The following EXOC2 variants were observed in gnomAD, a reference collection of about 807,000 sequenced individuals.
The protein encoded by EXOC2 is SEC5-like 1.
Under a neutral mutation model 131.8 loss-of-function variants are expected in EXOC2, and 70 were observed. The observed-to-expected ratio is 0.53, with a 90% CI of 0.44 to 0.65. EXOC2 has a LOEUF of 0.65. EXOC2 is among the 30% of genes least tolerant of loss of function. The pLI is 0.00. For synonymous variants in EXOC2, 411 were observed against 398.4 expected, an observed-to-expected ratio of 1.03 and a Z score of -0.38; for missense variants, 923 against 1,108.6, an observed-to-expected ratio of 0.83 and a Z score of 2.38.
chr6:637,951 A>G, intron 1 of EXOC2, 90 bp from the exon 2 acceptor site: 1 of 832,820 alleles, frequency 1.2e-6, no homozygotes, highest in Non-Finnish European at 1.9e-6. Context: ...GTACCAAAAT[A>G]TAAAAAGTAT....
intron 22 of EXOC2, among the ~76,000 whole-genome samples, chr6:547,920 C>CT (rs1398676547): frequency 6.6e-6 from 1 of 152,228 alleles, no homozygotes; most frequent in African/African-American, 2.4e-5. Context: ...ACAGTTCCTA[C>CT]TTAGTACTGC....
intron 13 of EXOC2, among the ~76,000 whole-genome samples, chr6:571,917 T>C (rs1007369241): frequency 7.9e-5 from 12 of 152,184 alleles, no homozygotes; most frequent in African/African-American, 2.9e-4. Context: ...GTGCCACACA[T>C]AACAGAGTCA....
chr6:673,000 C>T (rs1198993487), intron 1 of EXOC2, among the ~76,000 whole-genome samples: 1 of 152,066 alleles, frequency 6.6e-6, no homozygotes, highest in Non-Finnish European at 1.5e-5. Flanking sequence ...TGGCTCAGCC[C>T]TGTAATCCCA....
In EXOC2 at chr6:490,236, C is replaced by T. The variant is rs192760615; in HGVS notation, c.2621+889G>A. On this transcript the variant is annotated intron_variant, in intron 26 of 27. Transcript: ENST00000230449. The stretch of plus-strand genomic sequence containing the variant: ...TTGCCTAGAATATTTTAAACTTCCT[C>T]TATAGATGAGTACCTTATACTCTAA... Among the ~76,000 whole-genome samples the T allele has an allele frequency of 2.0e-5, 3 of 152,314 alleles. No homozygotes were observed. The East Asian group carries it at 5.8e-4, about 29-fold the overall frequency.
chr6:503,071 A>T (rs967203897), intron 23 of EXOC2, among the ~76,000 whole-genome samples: 1 of 152,206 alleles, frequency 6.6e-6, no homozygotes, highest in African/African-American at 2.4e-5. Context: ...TGCTGGTATT[A>T]TAATTTTTGG....
At chr6:528,212 G>T (rs1014888178) in intron 23 of EXOC2, among the ~76,000 whole-genome samples, 1 of 151,834 alleles carries the variant, frequency 6.6e-6, no homozygotes, top group Non-Finnish European at 1.5e-5. Context: ...TAATCAACTG[G>T]ATTTTTTTTT....
At chr6:562,723 G>T in intron 17 of EXOC2, 61 bp downstream of exon 17, 1 of 1,197,896 alleles carries the variant, frequency 8.3e-7, no homozygotes, top group Non-Finnish European at 1.2e-6. Context: ...CTATTAATAT[G>T]ATAAACTATT....
At chr6:631,403 T>C (rs1052609522) in intron 3 of EXOC2, among the ~76,000 whole-genome samples, 11 of 152,112 alleles carry the variant, frequency 7.2e-5, no homozygotes, top group Non-Finnish European at 1.5e-4. Flanking sequence ...CTGGGCATGG[T>C]GGCACGCACC....
chr6:513,281 G>A (rs1389159227), intron 23 of EXOC2, among the ~76,000 whole-genome samples: 2 of 152,228 alleles, frequency 1.3e-5, no homozygotes, highest in Non-Finnish European at 2.9e-5. Context: ...CGTGCAGTGC[G>A]GCTGCACACG....
chr6:552,800 A>G (rs185685837), intron 21 of EXOC2, among the ~76,000 whole-genome samples: 3 of 152,296 alleles, frequency 2.0e-5, no homozygotes, highest in Admixed American at 6.5e-5. Flanking sequence ...TTAGGTATTC[A>G]TACTTACATA....
intron 7 of EXOC2, among the ~76,000 whole-genome samples, chr6:609,410 A>T (rs1000084503): frequency 1.3e-5 from 2 of 152,210 alleles, no homozygotes; most frequent in South Asian, 2.1e-4. Flanking sequence ...GAAAAGATTT[A>T]TTTTAAATGA....
intron 11 of EXOC2, among the ~76,000 whole-genome samples, chr6:585,166 A>G (rs1759134826): frequency 6.6e-6 from 1 of 152,234 alleles, no homozygotes; most frequent in Non-Finnish European, 1.5e-5. Flanking sequence ...TTCAGGCTGG[A>G]CAAACACCAT....
Position 486,428 on chromosome 6 carries a change from A to T in EXOC2, c.*243T>A, listed in dbSNP as rs1763051508. 1 of 398,510 alleles carries T rather than the reference A, an allele frequency of 2.5e-6. No individual in the cohort carries two copies. Among genetic ancestry groups the T allele is most frequent in the Non-Finnish European group, 4.5e-6 (1 of 223,974 alleles). 24.7% of individuals were successfully genotyped at this position (398,510 alleles called of 1,614,324 possible). On this transcript the variant is annotated 3_prime_UTR_variant, in exon 28 of 28. Coordinates refer to ENST00000230449, the MANE Select transcript of EXOC2 (RefSeq NM_018303.6). ...TCTGCTGAGATGCAAAATATATTTTAAAATGTATTTTAAAGTCATACAGGA... is the reference window on the plus strand; with the variant it reads ...TCTGCTGAGATGCAAAATATATTTTTAAATGTATTTTAAAGTCATACAGGA...
chr6:579,630 G>A lies in EXOC2; in HGVS notation c.1193-2748C>T, dbSNP rs529855463. 8.6e-4 allele frequency among the ~76,000 whole-genome samples: 131 copies of A among 152,172 alleles called. 2 individuals carry two copies. The highest frequency in any genetic ancestry group is 2.9e-3 in the South Asian group (14 of 4,822). On this transcript the variant is annotated intron_variant, in intron 11 of 27. Transcript: ENST00000230449. ...AAATGTATTTCTCTCCCTAACACTC[G>A]TACTTTTCTTACTGTCAAAAAATAA...
chr6:505,262 C>T (rs997237299), intron 23 of EXOC2, among the ~76,000 whole-genome samples: 9 of 152,196 alleles, frequency 5.9e-5, no homozygotes, highest in African/African-American at 1.7e-4. Context: ...TTAGAATTTC[C>T]GTTCAACTCT....
intron 1 of EXOC2, among the ~76,000 whole-genome samples, chr6:650,831 A>G (rs919423267): frequency 6.6e-6 from 1 of 152,254 alleles, no homozygotes; most frequent in Admixed American, 6.5e-5. Flanking sequence ...CTAGAGACAG[A>G]CAACTGGAGG....
chr6:537,453 C>T (rs1038203601), intron 22 of EXOC2, among the ~76,000 whole-genome samples: 3 of 150,116 alleles, frequency 2.0e-5, no homozygotes, highest in Non-Finnish European at 4.4e-5. Flanking sequence ...AGCGTACACT[C>T]GAGTTGATGG....
chr6:489,543 C>A (rs1364657438), intron 26 of EXOC2, among the ~76,000 whole-genome samples: 1 of 152,120 alleles, frequency 6.6e-6, no homozygotes, highest in Admixed American at 6.5e-5. Flanking sequence ...TATATAGATG[C>A]TTTAAAAATT....
intron 6 of EXOC2, among the ~76,000 whole-genome samples, chr6:615,675 G>A (rs187038199): frequency 9.5e-5 from 14 of 146,852 alleles, no homozygotes; most frequent in East Asian, 4.0e-4. Context: ...AGCTGAAATC[G>A]CACCACCGCA....
Sources: gnomAD v4.1 joint callset for allele counts (sites outside exome capture counted in the v4.1 genomes callset) on GRCh38, gnomAD v4.1.1 for gene constraint, MANE v1.5 for transcripts, NCBI Gene and HGNC (gene_info 2026-07-23, HGNC 2026-07-21) for gene names.